Variants in UMAD1 observed in about 807,000 individuals in gnomAD.
The protein encoded by UMAD1 is UBAP1-MVB12-associated (UMA) domain containing 1.
UMAD1 carries 8 observed loss-of-function variants against 6.1 expected under a neutral mutation model. The observed-to-expected ratio is 1.30, with a 90% CI of 0.76 to 2.35. UMAD1 has a LOEUF of 2.35. Ranked by LOEUF, UMAD1 falls within the 30% of genes most tolerant of loss-of-function variation. The pLI, the probability that UMAD1 is intolerant of heterozygous loss-of-function variation, is 0.00. For synonymous variants in UMAD1, 56 were observed against 31.4 expected (o/e 1.78, Z -2.61); for missense variants, 130 against 78.4 (o/e 1.66, Z -2.49).
intron 1 of UMAD1, among the ~76,000 whole-genome samples, chr7:7,650,118 C>G (rs1429940486): frequency 6.6e-6 from 1 of 152,164 alleles, no homozygotes; most frequent in Admixed American, 6.5e-5. Context: ...CAAGACAGAA[C>G]CTGTAATTCC....
chr7:7,764,553 C>T (rs563286859), intron 2 of UMAD1, among the ~76,000 whole-genome samples: 3 of 152,080 alleles, frequency 2.0e-5, no homozygotes, highest in African/African-American at 4.8e-5. Context: ...GCCAATTATG[C>T]AGATAGTGAA....
chr7:7,823,961 G>A (rs1370961577), intron 3 of UMAD1, among the ~76,000 whole-genome samples: 1 of 152,126 alleles, frequency 6.6e-6, no homozygotes, highest in Non-Finnish European at 1.5e-5. Flanking sequence ...CTTTGAAAGA[G>A]TGAATTCATA....
chr7:7,819,616 C>T lies in UMAD1; in HGVS notation c.156+17873C>T, dbSNP rs184580339. On this transcript the variant is annotated intron_variant, in intron 3 of 3. Coordinates refer to ENST00000682710, the MANE Select transcript of UMAD1 (RefSeq NM_001302348.2). ...GCCTGTTGACATGGAGAACCAAAAC[C>T]GGTGTTTCGTGCTTTCAACAAAAAT... Among the ~76,000 whole-genome samples, 1,013 of 152,220 alleles carry T rather than the reference C, an allele frequency of 6.7e-3. 8 individuals are homozygous for T. Among genetic ancestry groups the T allele is most frequent in the African/African-American group, 0.023 (966 of 41,542 alleles).
intron 1 of UMAD1, among the ~76,000 whole-genome samples, chr7:7,665,659 C>T (rs1194060148): frequency 6.6e-6 from 1 of 152,198 alleles, no homozygotes; most frequent in Non-Finnish European, 1.5e-5. Context: ...TTTCCTGCTA[C>T]TCCCTTGTCA....
At chr7:7,661,444 A>G (rs1007968517) in intron 1 of UMAD1, among the ~76,000 whole-genome samples, 3 of 152,086 alleles carry the variant, frequency 2.0e-5, no homozygotes, top group Non-Finnish European at 4.4e-5. Context: ...ATCTTTGTGG[A>G]TTCATCTACC....
chr7:7,773,973 C>T (rs562302558), intron 2 of UMAD1, among the ~76,000 whole-genome samples: 2 of 152,298 alleles, frequency 1.3e-5, no homozygotes, highest in Admixed American at 1.3e-4. Flanking sequence ...GATGGCGGCT[C>T]TCTACTGATT....
intron 3 of UMAD1, among the ~76,000 whole-genome samples, chr7:7,820,461 G>A (rs1290207776): frequency 6.6e-6 from 1 of 152,114 alleles, no homozygotes; most frequent in Non-Finnish European, 1.5e-5. Flanking sequence ...AACAATAAAT[G>A]AGAAACAAAA....
chr7:7,663,117 G>T, intron 1 of UMAD1, among the ~76,000 whole-genome samples: 1 of 150,462 alleles, frequency 6.6e-6, no homozygotes. Context: ...CATGTATAAT[G>T]CTCTCAATCT....
At chr7:7,821,266 A>C (rs1464099588) in intron 3 of UMAD1, among the ~76,000 whole-genome samples, 4 of 152,196 alleles carry the variant, frequency 2.6e-5, no homozygotes, top group Admixed American at 2.6e-4. Context: ...AAATGTGACT[A>C]GTCTGTATTC....
At position 7,696,281 on chromosome 7, in the gene UMAD1, G is replaced by A. The variant is rs1230347690; in HGVS notation, c.82+22828G>A. On this transcript the variant is annotated intron_variant, in intron 2 of 3. Transcript: ENST00000682710. ...AGACTCACTCTTTTAGCCAAAGTTGGTAAGAATTATTAGGTAGATTAAAAA... is the reference window on the plus strand; with the variant it reads ...AGACTCACTCTTTTAGCCAAAGTTGATAAGAATTATTAGGTAGATTAAAAA... Among the ~76,000 whole-genome samples, 3 of 150,540 alleles carry A rather than the reference G, an allele frequency of 2.0e-5. No homozygotes were observed. The East Asian group carries it at 5.8e-4, about 29-fold the overall frequency.
chr7:7,799,422 G>A (rs1423892010), intron 2 of UMAD1, among the ~76,000 whole-genome samples: 1 of 152,190 alleles, frequency 6.6e-6, no homozygotes, highest in East Asian at 1.9e-4. Context: ...AACCTTTCTG[G>A]TTTTTCAAGC....
At chr7:7,756,786 C>CT (rs1417636569) in intron 2 of UMAD1, among the ~76,000 whole-genome samples, 1 of 152,236 alleles carries the variant, frequency 6.6e-6, no homozygotes, top group African/African-American at 2.4e-5. Context: ...CTGCTAGACA[C>CT]TTATACTGTT....
intron 2 of UMAD1, among the ~76,000 whole-genome samples, chr7:7,688,814 C>T (rs1189163627): frequency 6.6e-6 from 1 of 152,176 alleles, no homozygotes; most frequent in Non-Finnish European, 1.5e-5. Flanking sequence ...AGCTGATCCT[C>T]AGTCTGTATA....
intron 2 of UMAD1, among the ~76,000 whole-genome samples, chr7:7,795,347 G>A (rs1284098626): frequency 6.6e-6 from 1 of 152,216 alleles, no homozygotes; most frequent in East Asian, 1.9e-4. Context: ...CCCCAAGTGG[G>A]AGGATGTTTC....
intron 2 of UMAD1, among the ~76,000 whole-genome samples, chr7:7,699,057 G>T (rs890900198): frequency 1.3e-5 from 2 of 150,810 alleles, no homozygotes; most frequent in Non-Finnish European, 3.0e-5. Flanking sequence ...TGTGGGGGGG[G>T]GGTAGATACC....
intron 2 of UMAD1, among the ~76,000 whole-genome samples, chr7:7,766,603 TAC>T (rs1289376539): frequency 1.3e-5 from 2 of 152,230 alleles, no homozygotes; most frequent in African/African-American, 4.8e-5. Context: ...TTAGGCAATC[TAC>T]AGTTTCTCCA....
chr7:7,714,070 G>A (rs1780831603), intron 2 of UMAD1, among the ~76,000 whole-genome samples: 1 of 152,194 alleles, frequency 6.6e-6, no homozygotes, highest in Admixed American at 6.5e-5. Context: ...CAAAAATTGA[G>A]TTTTTTTGTG....
chr7:7,786,248 T>C (rs1440792253), intron 2 of UMAD1, among the ~76,000 whole-genome samples: 1 of 152,228 alleles, frequency 6.6e-6, no homozygotes, highest in African/African-American at 2.4e-5. Context: ...GGTTCCTCAG[T>C]GTTTCCATGA....
intron 1 of UMAD1, among the ~76,000 whole-genome samples, chr7:7,642,962 C>T (rs766840586): frequency 2.0e-5 from 3 of 152,080 alleles, no homozygotes; most frequent in Non-Finnish European, 4.4e-5. Flanking sequence ...CTTCTGACTT[C>T]TTTTGTTTGT....
Sources: gnomAD v4.1 joint callset for allele counts (sites outside exome capture counted in the v4.1 genomes callset) on GRCh38, gnomAD v4.1.1 for gene constraint, MANE v1.5 for transcripts, NCBI Gene and HGNC (gene_info 2026-07-23, HGNC 2026-07-21) for gene names.